GRIK2: variants seen among roughly 807,000 people sequenced by gnomAD.
GRIK2 encodes glutamate receptor ionotropic, kainate 2.
GRIK2 carries 32 observed loss-of-function variants against 100.3 expected under a neutral mutation model. The ratio of observed to expected loss-of-function variants is 0.32; its 90% CI spans 0.24 to 0.43. The LOEUF (loss-of-function observed/expected upper bound fraction) is 0.43, where lower values mean the gene tolerates loss of function less well. Ranked by LOEUF, GRIK2 falls within the 20% of genes least tolerant of loss-of-function variation. GRIK2 has a pLI of 1.00. For synonymous variants in GRIK2, 417 were observed against 389.4 expected (o/e 1.07, Z -0.83); for missense variants, 843 against 1,114.9 (o/e 0.76, Z 3.47).
chr6:101,639,332 C>A (rs1229373294), intron 4 of GRIK2, among the ~76,000 whole-genome samples: 1 of 152,080 alleles, frequency 6.6e-6, no homozygotes, highest in Non-Finnish European at 1.5e-5. Context: ...CCAAGCACAG[C>A]CAGATAACTG....
chr6:101,656,708 T>C (rs933916622), intron 4 of GRIK2, among the ~76,000 whole-genome samples: 1 of 152,202 alleles, frequency 6.6e-6, no homozygotes, highest in African/African-American at 2.4e-5. Flanking sequence ...CAGTTAAGGC[T>C]GTATTACATC....
chr6:102,022,135 C>T (rs1038401961), intron 14 of GRIK2, among the ~76,000 whole-genome samples: 9 of 84,916 alleles, frequency 1.1e-4, no homozygotes, highest in Non-Finnish European at 1.7e-4. Context: ...GTCTATATAA[C>T]ACACACATAC....
At chr6:101,547,293 C>A (rs1776291500) in intron 2 of GRIK2, among the ~76,000 whole-genome samples, 1 of 148,494 alleles carries the variant, frequency 6.7e-6, no homozygotes, top group Non-Finnish European at 1.5e-5. Context: ...ATAGTCTGTG[C>A]ATTTTTTATT....
chr6:101,539,749 T>C (rs1775894382), intron 2 of GRIK2, among the ~76,000 whole-genome samples: 1 of 151,848 alleles, frequency 6.6e-6, no homozygotes, highest in African/African-American at 2.4e-5. Context: ...TCCTAAGTCA[T>C]GTTCGTACAT....
rs1429303336 is a variant in GRIK2 at position 102,055,558 on chromosome 6, A to G, written c.2540A>G (p.Lys847Arg). ...GTGGGAGAATTTTTATACAAATCCAAAAAAAACGCTCAATTGGAAAAGGTA... is the reference window on the plus strand; with the variant it reads ...GTGGGAGAATTTTTATACAAATCCAGAAAAAACGCTCAATTGGAAAAGGTA... Reference protein sequence around the residue: ...VAVGEFLYKSKKNAQLEKRSF... With the variant: ...VAVGEFLYKSRKNAQLEKRSF... The change falls in exon 16 of 17, where the codon AAA becomes AGA. Residue 847 changes from lysine (K) to arginine (R), a missense_variant. Coordinates refer to ENST00000369134, the MANE Select transcript of GRIK2 (RefSeq NM_021956.5). 6.2e-7 allele frequency: 1 copy of G among 1,609,074 alleles called. No individual in the cohort carries two copies. The highest frequency in any genetic ancestry group is 8.5e-7 in the Non-Finnish European group (1 of 1,175,818).
chr6:102,038,772 C>A (rs1770414661), intron 15 of GRIK2, among the ~76,000 whole-genome samples: 1 of 151,344 alleles, frequency 6.6e-6, no homozygotes, highest in African/African-American at 2.4e-5. Flanking sequence ...GGCTAAGGTT[C>A]TGAAAAACTC....
intron 14 of GRIK2, among the ~76,000 whole-genome samples, chr6:101,930,017 A>G (rs947394571): frequency 6.6e-6 from 1 of 152,110 alleles, no homozygotes; most frequent in African/African-American, 2.4e-5. Flanking sequence ...TTCTTATCAA[A>G]CGTGTTAATA....
At chr6:101,541,376 C>CA (rs775232963) in intron 2 of GRIK2, among the ~76,000 whole-genome samples, 547 of 5,580 alleles carry the variant, frequency 0.098, 4 homozygotes, top group African/African-American at 0.12. Context: ...GCGCACACAA[C>CA]CACACACACA....
At chr6:101,981,835 T>C (rs2128489540) in intron 14 of GRIK2, among the ~76,000 whole-genome samples, 1 of 151,920 alleles carries the variant, frequency 6.6e-6, no homozygotes, top group South Asian at 2.1e-4. Context: ...ATATTTCAAG[T>C]TGAAGATGAG....
chr6:102,052,524 G>A (rs1245390623), intron 15 of GRIK2, among the ~76,000 whole-genome samples: 1 of 152,190 alleles, frequency 6.6e-6, no homozygotes, highest in Non-Finnish European at 1.5e-5. Flanking sequence ...TTGCTGAAAA[G>A]TAGGTTGCTT....
At chr6:101,673,944 T>G (rs916954692) in intron 4 of GRIK2, among the ~76,000 whole-genome samples, 3 of 152,224 alleles carry the variant, frequency 2.0e-5, no homozygotes, top group African/African-American at 7.2e-5. Context: ...GAGAACAATG[T>G]TGGACTTACA....
At chr6:101,522,807 G>A (rs573814245) in intron 2 of GRIK2, among the ~76,000 whole-genome samples, 1 of 151,788 alleles carries the variant, frequency 6.6e-6, no homozygotes, top group Admixed American at 6.6e-5. Flanking sequence ...TACATTGTAA[G>A]CTCCATGGCT....
At chr6:101,509,157 CAAAAAAAAAA>C (rs397885238) in intron 2 of GRIK2, among the ~76,000 whole-genome samples, 1 of 100,312 alleles carries the variant, frequency 1.0e-5, no homozygotes. Flanking sequence ...GACTCTGTCT[CAAAAAAAAAA>C]AAAAAAAAAA....
intron 14 of GRIK2, among the ~76,000 whole-genome samples, chr6:102,034,369 AT>A (rs1770153790): frequency 2.0e-5 from 3 of 151,438 alleles, no homozygotes; most frequent in Non-Finnish European, 4.4e-5. Context: ...ACTGTAAAAA[AT>A]ATTCCATATC....
Position 101,436,395 on chromosome 6 carries a change from G to T in GRIK2, c.115+37003G>T, listed in dbSNP as rs140899170. On this transcript the variant is annotated intron_variant, in intron 2 of 16. Coordinates refer to ENST00000369134, the MANE Select transcript of GRIK2 (RefSeq NM_021956.5). ...TTTTTTTTTATACTGAACTCTTAGTGACATTGTTAAAAAAATTTTTTTAGC... is the reference window on the plus strand; with the variant it reads ...TTTTTTTTTATACTGAACTCTTAGTTACATTGTTAAAAAAATTTTTTTAGC... Among the ~76,000 whole-genome samples the T allele has an allele frequency of 1.1e-3, 172 of 151,926 alleles. 5 individuals are homozygous for T. The South Asian group carries it at 0.031, about 27-fold the overall frequency.
Position 102,050,486 on chromosome 6 carries a change from C to T in GRIK2, c.2312-4844C>T, listed in dbSNP as rs1455390893. 2.6e-5 allele frequency among the ~76,000 whole-genome samples: 4 copies of T among 151,386 alleles called. No homozygotes were observed. In the East Asian group the frequency reaches 5.8e-4, roughly 22 times the overall value. ...GGCCAACGTGATGAAACCCCGTCTCCACTAAAAATACAAAAATTAGCTGGG... is the reference window on the plus strand; with the variant it reads ...GGCCAACGTGATGAAACCCCGTCTCTACTAAAAATACAAAAATTAGCTGGG... On this transcript the variant is annotated intron_variant, in intron 15 of 16. Coordinates refer to ENST00000369134, the MANE Select transcript of GRIK2 (RefSeq NM_021956.5).
At chr6:102,058,337 C>T (rs528654941) in intron 16 of GRIK2, among the ~76,000 whole-genome samples, 1 of 151,812 alleles carries the variant, frequency 6.6e-6, no homozygotes, top group East Asian at 1.9e-4. Flanking sequence ...TATCTATCTA[C>T]CTATCTATCT....
intron 7 of GRIK2, among the ~76,000 whole-genome samples, chr6:101,792,853 T>C (rs949508973): frequency 4.6e-5 from 7 of 152,082 alleles, no homozygotes; most frequent in South Asian, 4.1e-4. Context: ...ACCAATCAGA[T>C]GTAGATTTGG....
chr6:101,653,761 A>T (rs796279411), intron 4 of GRIK2, among the ~76,000 whole-genome samples: 4 of 152,014 alleles, frequency 2.6e-5, no homozygotes, highest in African/African-American at 9.6e-5. Context: ...CTGGGATTAC[A>T]GTTGCCTGCC....
Sources: allele counts gnomAD v4.1 joint callset (sites outside exome capture counted in the v4.1 genomes callset), GRCh38; gene constraint gnomAD v4.1.1; transcripts MANE v1.5; gene names NCBI Gene and HGNC (gene_info 2026-07-23, HGNC 2026-07-21).